Variants in UBR2 observed in about 807,000 individuals in gnomAD.
The protein encoded by UBR2 is E3 ubiquitin-protein ligase UBR2.
Under a neutral mutation model 247.9 loss-of-function variants are expected in UBR2, and 92 were observed. That is an observed-to-expected ratio of 0.37 (90% CI 0.31 to 0.44). The LOEUF (loss-of-function observed/expected upper bound fraction) is 0.44. Ranked by LOEUF, UBR2 falls within the 20% of genes least tolerant of loss-of-function variation. The pLI is 1.00. For missense variants in UBR2, 1,613 were observed against 2,112.6 expected (o/e 0.76, Z 4.64); for synonymous variants, 672 against 693.5 (o/e 0.97, Z 0.49).
intron 2 of UBR2, among the ~76,000 whole-genome samples, chr6:42,589,022 C>G (rs1055877145): frequency 6.6e-6 from 1 of 152,020 alleles, no homozygotes. Flanking sequence ...ATAGAGTTAT[C>G]CAGGCTGGAG....
chr6:42,594,496 T>A (rs1941376678), intron 4 of UBR2, among the ~76,000 whole-genome samples, 192 bp downstream of exon 4: 1 of 152,196 alleles, frequency 6.6e-6, no homozygotes, highest in Non-Finnish European at 1.5e-5. Context: ...ATTTGGGAAA[T>A]TTCATTTAAT....
intron 38 of UBR2, among the ~76,000 whole-genome samples, chr6:42,675,678 G>A (rs2151986912): frequency 6.6e-6 from 1 of 152,288 alleles, no homozygotes; most frequent in East Asian, 1.9e-4. Context: ...ATGGAAATGT[G>A]ACCAGGCGCG....
intron 18 of UBR2, 81 bp downstream of exon 18, chr6:42,642,562 GATC>G: frequency 8.3e-7 from 1 of 1,204,402 alleles, no homozygotes; most frequent in South Asian, 1.3e-5. Context: ...AGTCACTTGT[GATC>G]ACTCCCAAAT....
chr6:42,689,528 C>T lies in UBR2; in HGVS notation c.5025-41C>T, dbSNP rs1799632605. On this transcript the variant is annotated intron_variant, in intron 45 of 46. Transcript: ENST00000372901. This position sits in a 1 kb window ranked among gnomAD's most constrained non-coding sequence, Gnocchi z 4.0. ...TGGAACTGAATACAAATGTTGGTTACTAATGTGTAAATGTGTAACGTATGA... is the reference window on the plus strand; with the variant it reads ...TGGAACTGAATACAAATGTTGGTTATTAATGTGTAAATGTGTAACGTATGA... 6.4e-7 allele frequency: 1 copy of T among 1,559,250 alleles called. No homozygotes were observed. The highest frequency in any genetic ancestry group is 2.2e-5 in the East Asian group (1 of 44,576).
chr6:42,638,161 G>C (rs1481962806), intron 15 of UBR2, among the ~76,000 whole-genome samples: 4 of 152,068 alleles, frequency 2.6e-5, no homozygotes, highest in Admixed American at 2.0e-4. Flanking sequence ...ATTAATAATT[G>C]ACTCAATTTC....
At chr6:42,650,746 C>T (rs1312653118) in intron 23 of UBR2, among the ~76,000 whole-genome samples, 2 of 152,000 alleles carry the variant, frequency 1.3e-5, no homozygotes, top group Admixed American at 1.3e-4. Flanking sequence ...GGAGTTACCC[C>T]CTAGCGTTTT....
In UBR2 at chr6:42,670,669, T is replaced by A; in HGVS notation, c.4040T>A (p.Leu1347Ter). Residue 1347 changes from leucine to a stop codon, truncating the protein, a stop_gained, in exon 36 of 47, where the codon TTG becomes TAG. Transcript: ENST00000372901. LOFTEE classifies it high-confidence loss of function. ...CATCTTTAATCTGTAGAAAGAATTT[T>A]GAGTGATGAAGATAAACCATTGTTT... Reference protein sequence around the residue: ...AYTIQSIERILSDEDKPLFGP... With the variant: ...AYTIQSIERI 1 of 1,607,200 alleles carries A rather than the reference T, an allele frequency of 6.2e-7. No individual in the cohort carries two copies. The highest frequency in any genetic ancestry group is 8.5e-7 in the Non-Finnish European group (1 of 1,175,902).
intron 2 of UBR2, among the ~76,000 whole-genome samples, chr6:42,590,761 C>A (rs140629354): frequency 2.5e-3 from 377 of 152,286 alleles, no homozygotes; most frequent in African/African-American, 8.8e-3. Flanking sequence ...ACTTTTAACA[C>A]CTTCCTCACA....
chr6:42,628,584 A>C (rs1328765869), intron 11 of UBR2, among the ~76,000 whole-genome samples: 1 of 152,024 alleles, frequency 6.6e-6, no homozygotes, highest in Admixed American at 6.6e-5. Context: ...TTAGCTGGGC[A>C]TGGTGGCAGG....
intron 11 of UBR2, among the ~76,000 whole-genome samples, chr6:42,628,470 C>T (rs966069695): frequency 3.4e-4 from 51 of 151,934 alleles, no homozygotes; most frequent in African/African-American, 1.2e-3. Flanking sequence ...GCCTGTAATC[C>T]CAGCACTTTG....
rs1235294404 is a variant in UBR2, at chr6:42,652,087, C to T, written c.2614+16C>T. On this transcript the variant is annotated intron_variant, in intron 24 of 46. Transcript: ENST00000372901. ...GAAGATACAGGTATTTTTAATCTTTCTGAAAATGTCTTGCCCATCTTTTTT... is the reference window on the plus strand; with the variant it reads ...GAAGATACAGGTATTTTTAATCTTTTTGAAAATGTCTTGCCCATCTTTTTT... 6.4e-7 allele frequency: 1 copy of T among 1,572,372 alleles called. No homozygotes were observed. The highest frequency in any genetic ancestry group is 8.6e-7 in the Non-Finnish European group (1 of 1,163,882).
At chr6:42,646,807 T>TTATATA (rs369889480) in intron 21 of UBR2, among the ~76,000 whole-genome samples, 200 of 148,514 alleles carry the variant, frequency 1.3e-3, no homozygotes, top group African/African-American at 4.6e-3. Context: ...ATATATATGT[T>TTATATA]TATATATATA....
At chr6:42,668,990 C>T (rs562022990) in intron 34 of UBR2, among the ~76,000 whole-genome samples, 21 of 152,038 alleles carry the variant, frequency 1.4e-4, no homozygotes, top group African/African-American at 4.6e-4. Context: ...GTGGCACGAT[C>T]TCAGCTCACT....
In UBR2 at chr6:42,606,577, A is replaced by C. The variant is rs773201629; in HGVS notation, c.802-12A>C. The C allele has an allele frequency of 6.2e-7, 1 of 1,607,968 alleles. No homozygotes were observed. The highest frequency in any genetic ancestry group is 8.5e-7 in the Non-Finnish European group (1 of 1,176,988). ...CAATACTTTTACAGCTTAATTTTAA[A>C]TATCTTTACAGGGGCGTAGGTCTGT... On this transcript the variant is annotated splice_polypyrimidine_tract_variant and intron_variant, in intron 6 of 46. Transcript: ENST00000372901.
At position 42,564,525 on chromosome 6, in the gene UBR2, T is replaced by G. The variant is rs1790663765; in HGVS notation, c.78+128T>G. On this transcript the variant is annotated intron_variant, in intron 1 of 46. Transcript: ENST00000372901. Reference sequence around the variant, plus strand: ...GGAAACAGCTGTGCCGGCCCTCGCCTTGTGGGGTAATAGCCCGGGGAGGCC... The same window carrying G: ...GGAAACAGCTGTGCCGGCCCTCGCCGTGTGGGGTAATAGCCCGGGGAGGCC... 8 of 1,104,960 alleles carry G rather than the reference T, an allele frequency of 7.2e-6. No individual in the cohort carries two copies. In the South Asian group the frequency reaches 1.3e-4, roughly 18 times the overall value. 68.4% of individuals were successfully genotyped at this position (1,104,960 alleles called of 1,614,324 possible).
chr6:42,634,398 A>G, intron 13 of UBR2: 1 of 198,882 alleles, frequency 5.0e-6, no homozygotes, highest in Non-Finnish European at 1.1e-5. Flanking sequence ...TTCTTAAGAA[A>G]AGGAATGACC....
At chr6:42,619,453 A>ATATATATATATATATATATTTTT in intron 11 of UBR2, 1 of 23,714 alleles carries the variant, frequency 4.2e-5, no homozygotes, top group Non-Finnish European at 8.4e-5. Flanking sequence ...ATATATATAT[A>ATATATATATATATATATATTTTT]TTTTTTTTTT....
At chr6:42,584,529 G>C (rs976447111) in intron 2 of UBR2, among the ~76,000 whole-genome samples, 1 of 151,988 alleles carries the variant, frequency 6.6e-6, no homozygotes, top group African/African-American at 2.4e-5. Flanking sequence ...TTTAAAATTA[G>C]TTTGTAAATT....
At chr6:42,582,011 C>T (rs921686231) in intron 2 of UBR2, among the ~76,000 whole-genome samples, 7 of 152,022 alleles carry the variant, frequency 4.6e-5, no homozygotes, top group Admixed American at 3.3e-4. Flanking sequence ...GGGCTGGGTG[C>T]GGTGGCTCAC....
Sources: gnomAD v4.1 joint callset for allele counts (sites outside exome capture counted in the v4.1 genomes callset) on GRCh38, gnomAD v4.1.1 for gene constraint, Gnocchi (gnomAD v3.1) non-coding constraint, MANE v1.5 for transcripts, NCBI Gene and HGNC (gene_info 2026-07-23, HGNC 2026-07-21) for gene names.